LAMA1: variants seen among roughly 807,000 people sequenced by gnomAD.
LAMA1 encodes laminin subunit alpha 1, also known as laminin subunit alpha-1.
In LAMA1, 219 loss-of-function variants were observed where a neutral mutation model predicts 348.7. The observed-to-expected ratio is 0.63, with a 90% CI of 0.56 to 0.70. The LOEUF is 0.70. LAMA1 is among the 30% of genes least tolerant of loss of function. The pLI, the probability that LAMA1 is intolerant of heterozygous loss-of-function variation, is 0.00. For synonymous variants in LAMA1, 1,487 were observed against 1,491.0 expected, an observed-to-expected ratio of 1.00 and a Z score of 0.06; for missense variants, 3,744 against 3,888.0, an observed-to-expected ratio of 0.96 and a Z score of 0.99.
intron 42 of LAMA1, among the ~76,000 whole-genome samples, 181 bp downstream of exon 42, chr18:6,980,340 T>G (rs2057705407): frequency 6.6e-6 from 1 of 152,226 alleles, no homozygotes. Flanking sequence ...TGATGTTATT[T>G]TAAAAACCAA....
chr18:6,981,829 T>A (rs1271791834), intron 41 of LAMA1, among the ~76,000 whole-genome samples: 1 of 152,176 alleles, frequency 6.6e-6, no homozygotes, highest in African/African-American at 2.4e-5. Flanking sequence ...GTATTTTTGA[T>A]CTATTAGAAT....
chr18:7,015,712 C>T lies in LAMA1; in HGVS notation c.3126+10G>A. On this transcript the variant is annotated intron_variant, in intron 22 of 62. Coordinates refer to ENST00000389658, the MANE Select transcript of LAMA1 (RefSeq NM_005559.4). ...CTCAGTTAAGCAAGAGCGTGGATGA[C>T]AGTGCTCACCTGGCACCCCACCTCC... The T allele has an allele frequency of 6.2e-7, 1 of 1,613,308 alleles. No homozygotes were observed. The highest frequency in any genetic ancestry group is 8.5e-7 in the Non-Finnish European group (1 of 1,179,950).
chr18:6,985,105 C>T, intron 39 of LAMA1, 132 bp downstream of exon 39: 2 of 1,069,588 alleles, frequency 1.9e-6, no homozygotes, highest in Admixed American at 3.5e-5. Flanking sequence ...TCCAACTTGC[C>T]AGGTAAATAA....
At chr18:6,983,993 T>C (rs930544959) in intron 39 of LAMA1, among the ~76,000 whole-genome samples, 1 of 102,232 alleles carries the variant, frequency 9.8e-6, no homozygotes, top group African/African-American at 3.0e-5. Context: ...TAAAAGATAA[T>C]TATTTAACTT....
chr18:6,949,621 A>G (rs1218973568), intron 58 of LAMA1, among the ~76,000 whole-genome samples: 1 of 152,246 alleles, frequency 6.6e-6, no homozygotes, highest in African/African-American at 2.4e-5. Context: ...TAAAACAAAG[A>G]TGATAACAGT....
chr18:6,986,329 CAATA>C lies in LAMA1; in HGVS notation c.5183_5186del (p.Leu1728CysfsTer18). 6.2e-7 allele frequency: 1 copy of C among 1,614,128 alleles called. No individual in the cohort carries two copies. The highest frequency in any genetic ancestry group is 8.5e-7 in the Non-Finnish European group (1 of 1,180,000). ...TCTGGTAATTTTCCTGAATTTGTGA[CAATA>C]AATCTTCAGCAGCCCTGATAAATAT... On this transcript the variant is annotated frameshift_variant, in exon 37 of 63. Coordinates refer to ENST00000389658, the MANE Select transcript of LAMA1 (RefSeq NM_005559.4). LOFTEE classifies it high-confidence loss of function.
In LAMA1 at chr18:6,978,405, C is replaced by T. The variant is rs141230687; in HGVS notation, c.6008-27G>A. 5.8e-4 allele frequency: 921 copies of T among 1,586,252 alleles called. 2 individuals are homozygous for T. Among genetic ancestry groups the T allele is most frequent in the Non-Finnish European group, 7.1e-4 (824 of 1,156,108 alleles). On this transcript the variant is annotated intron_variant, in intron 42 of 62. Transcript: ENST00000389658. ...TAAAATAAATGTATATAAAAGCATGCACTTCTGGTGCTTACACACAGAGAA... is the reference window on the plus strand; with the variant it reads ...TAAAATAAATGTATATAAAAGCATGTACTTCTGGTGCTTACACACAGAGAA...
chr18:6,941,850 TAA>T lies in LAMA1; in HGVS notation c.*227_*228del. ...CATTCAATGTGTATAAAGATTTTTT[TAA>T]AAATACGTTTAAAAAGAGAGCCAGG... On this transcript the variant is annotated 3_prime_UTR_variant, in exon 63 of 63. Coordinates refer to ENST00000389658, the MANE Select transcript of LAMA1 (RefSeq NM_005559.4). 3 of 540,274 alleles carry T rather than the reference TAA, an allele frequency of 5.6e-6. No individual in the cohort carries two copies. The South Asian group carries it at 6.2e-5, about 11-fold the overall frequency. The allele number at this position is 540,274 out of a possible 1,614,324, so 33.5% of individuals were successfully genotyped here.
At chr18:6,977,914 A>G (rs1252775801) in intron 43 of LAMA1, 33 bp from the exon 44 acceptor site, 52 of 1,605,468 alleles carry the variant, frequency 3.2e-5, no homozygotes, top group Non-Finnish European at 3.9e-5. Flanking sequence ...GGGTGGCAAG[A>G]AAGTTGGGGA....
At chr18:7,050,071 C>G (rs952535207) in intron 4 of LAMA1, among the ~76,000 whole-genome samples, 1 of 152,150 alleles carries the variant, frequency 6.6e-6, no homozygotes, top group Admixed American at 6.5e-5. Flanking sequence ...TATGAATAGG[C>G]TTCGAGAAGA....
chr18:6,959,558 T>A, intron 53 of LAMA1, 66 bp from the exon 54 acceptor site: 4 of 1,554,066 alleles, frequency 2.6e-6, no homozygotes, highest in Non-Finnish European at 3.5e-6. Flanking sequence ...AAAACTTTCA[T>A]CTTATGAAGA....
chr18:6,978,522 CT>C (rs143660159), intron 42 of LAMA1, 144 bp from the exon 43 acceptor site: 11 of 797,400 alleles, frequency 1.4e-5, no homozygotes, highest in Non-Finnish European at 2.2e-5. Context: ...TGTCTGTTTG[CT>C]TTTTTTTCTT....
intron 57 of LAMA1, chr18:6,955,084 C>T: frequency 2.0e-6 from 1 of 490,716 alleles, no homozygotes; most frequent in Non-Finnish European, 3.7e-6. Context: ...ATTTAGATGC[C>T]CACACGCTTC....
At chr18:7,009,631 C>T (rs2057850096) in intron 26 of LAMA1, among the ~76,000 whole-genome samples, 1 of 152,144 alleles carries the variant, frequency 6.6e-6, no homozygotes, top group South Asian at 2.1e-4. Flanking sequence ...ATAAACACTT[C>T]CCAAATCTGA....
intron 57 of LAMA1, 73 bp from the exon 58 acceptor site, chr18:6,951,044 C>A: frequency 1.5e-6 from 2 of 1,356,830 alleles, no homozygotes; most frequent in East Asian, 2.4e-5. Context: ...AAAAGAGGAC[C>A]CAACAATTGT....
intron 3 of LAMA1, among the ~76,000 whole-genome samples, chr18:7,059,884 T>C (rs112194413): frequency 6.6e-6 from 1 of 152,252 alleles, no homozygotes; most frequent in Non-Finnish European, 1.5e-5. Context: ...ATTGCTGAGT[T>C]ATCCCTGTGA....
intron 53 of LAMA1, chr18:6,960,676 C>CAAAAAA (rs781707260): frequency 3.4e-4 from 43 of 124,796 alleles, no homozygotes; most frequent in African/African-American, 1.1e-3. Context: ...AGCTCAACTA[C>CAAAAAA]AAAAAAAAAA....
chr18:7,068,976 T>C (rs2058135012), intron 3 of LAMA1, among the ~76,000 whole-genome samples: 1 of 152,188 alleles, frequency 6.6e-6, no homozygotes, highest in South Asian at 2.1e-4. Context: ...GCCAAAACAG[T>C]TGGGGATATG....
chr18:7,077,266 G>A (rs2058172879), intron 3 of LAMA1, among the ~76,000 whole-genome samples: 1 of 145,210 alleles, frequency 6.9e-6, no homozygotes, highest in South Asian at 2.1e-4. Flanking sequence ...CAGTGGTGCA[G>A]TCTCGGCTCA....
Sources: allele counts gnomAD v4.1 joint callset (sites outside exome capture counted in the v4.1 genomes callset), GRCh38; gene constraint gnomAD v4.1.1; transcripts MANE v1.5; gene names NCBI Gene and HGNC (gene_info 2026-07-23, HGNC 2026-07-21).